Variants in GRIN2B observed in about 807,000 individuals in gnomAD.
GRIN2B encodes the protein glutamate ionotropic receptor NMDA type subunit 2B, also known as glutamate receptor ionotropic, NMDA 2B.
In GRIN2B, 5 loss-of-function variants were observed where a neutral mutation model predicts 114.5. That is an observed-to-expected ratio of 0.04 (90% CI 0.02 to 0.09). GRIN2B has a LOEUF of 0.09. Among genes scored for constraint, GRIN2B ranks in the 10% least tolerant of loss-of-function variants. GRIN2B has a pLI of 1.00. For missense variants in GRIN2B, 1,108 were observed against 1,943.5 expected, an observed-to-expected ratio of 0.57 and a Z score of 8.08; for synonymous variants, 787 against 745.1, an observed-to-expected ratio of 1.06 and a Z score of -0.92.
At chr12:13,739,412 G>GAAAAA (rs1565519594) in intron 4 of GRIN2B, among the ~76,000 whole-genome samples, 1 of 133,884 alleles carries the variant, frequency 7.5e-6, no homozygotes. Flanking sequence ...AGAAGAAAAG[G>GAAAAA]AAAAAAAAAG....
At chr12:13,607,954 G>C (rs1329555798) in intron 10 of GRIN2B, among the ~76,000 whole-genome samples, 1 of 152,098 alleles carries the variant, frequency 6.6e-6, no homozygotes, top group Admixed American at 6.5e-5. Context: ...TTTAGAATGG[G>C]TTTTGTACAT....
chr12:13,830,908 T>C (rs1865133291), intron 3 of GRIN2B, among the ~76,000 whole-genome samples: 1 of 152,224 alleles, frequency 6.6e-6, no homozygotes, highest in East Asian at 1.9e-4. Flanking sequence ...AGTTTGACCG[T>C]CCAAACCTTT....
At chr12:13,761,616 CTTTCA>C (rs1446109504) in intron 3 of GRIN2B, among the ~76,000 whole-genome samples, 1 of 152,190 alleles carries the variant, frequency 6.6e-6, no homozygotes, top group East Asian at 1.9e-4. Flanking sequence ...TAACAAGACT[CTTTCA>C]TTTCATTTTA....
At chr12:13,584,504 TTTAGCTGTTGATACA>T (rs1383508577) in intron 10 of GRIN2B, among the ~76,000 whole-genome samples, 2 of 152,220 alleles carry the variant, frequency 1.3e-5, no homozygotes, top group Non-Finnish European at 2.9e-5. Flanking sequence ...AAGTGCACTA[TTTAGCTGTTGATACA>T]TTATCATGCA....
At chr12:13,966,485 T>C (rs2136867358) in intron 2 of GRIN2B, among the ~76,000 whole-genome samples, 1 of 152,358 alleles carries the variant, frequency 6.6e-6, no homozygotes, top group South Asian at 2.1e-4. Flanking sequence ...TCCATTTGTA[T>C]CTTCTGCATT....
chr12:13,906,773 C>G (rs916305410), intron 2 of GRIN2B, among the ~76,000 whole-genome samples: 1 of 152,064 alleles, frequency 6.6e-6, no homozygotes, highest in Non-Finnish European at 1.5e-5. Context: ...ATCCAAGAAG[C>G]CAGGCCATTA....
At chr12:13,694,912 T>C (rs1329628734) in intron 4 of GRIN2B, among the ~76,000 whole-genome samples, 1 of 151,880 alleles carries the variant, frequency 6.6e-6, no homozygotes, top group Non-Finnish European at 1.5e-5. Flanking sequence ...AAGTTTTTTA[T>C]GGCCTTCATT....
In GRIN2B at chr12:13,547,741, A is replaced by G. The variant is rs1050967016; in HGVS notation, c.*15042T>C. On this transcript the variant is annotated 3_prime_UTR_variant, in exon 14 of 14. Transcript: ENST00000609686. ...TGGCTTGTTTTACTGAAGTAAAGACACTGTAAATCTCAAAAATACTCCAAC... is the reference window on the plus strand; with the variant it reads ...TGGCTTGTTTTACTGAAGTAAAGACGCTGTAAATCTCAAAAATACTCCAAC... 1 of 151,986 alleles carries G rather than the reference A, an allele frequency of 6.6e-6. No homozygotes were observed. Among genetic ancestry groups the G allele is most frequent in the African/African-American group, 2.4e-5 (1 of 41,392 alleles). The allele number at this position is 151,986 out of a possible 1,614,324, so 9.4% of individuals were successfully genotyped here. A position where few individuals can be genotyped will look rare whatever the true frequency, so the allele number is the denominator to read the frequency against.
chr12:13,855,969 C>T (rs1177565774), intron 3 of GRIN2B, among the ~76,000 whole-genome samples: 1 of 152,130 alleles, frequency 6.6e-6, no homozygotes, highest in African/African-American at 2.4e-5. Flanking sequence ...AGCCCTGGCC[C>T]ACAATGAGCC....
At chr12:13,706,830 G>A (rs900699791) in intron 4 of GRIN2B, among the ~76,000 whole-genome samples, 1 of 152,070 alleles carries the variant, frequency 6.6e-6, no homozygotes, top group African/African-American at 2.4e-5. Context: ...CTTGTTCCAA[G>A]GCATCTTCCC....
chr12:13,549,584 C>G lies in GRIN2B; in HGVS notation c.*13199G>C, dbSNP rs1430224972. 1 of 152,112 alleles carries G rather than the reference C, an allele frequency of 6.6e-6. No homozygotes were observed. The highest frequency in any genetic ancestry group is 1.5e-5 in the Non-Finnish European group (1 of 68,018). 9.4% of individuals were successfully genotyped at this position (152,112 alleles called of 1,614,324 possible). ...GACACCTTCGGAGTATCATGACACC[C>G]CTGCACACGTTCCTGAAGGCTCTTT... On this transcript the variant is annotated 3_prime_UTR_variant, in exon 14 of 14. Coordinates refer to ENST00000609686, the MANE Select transcript of GRIN2B (RefSeq NM_000834.5).
At chr12:13,851,192 G>A (rs1413828965) in intron 3 of GRIN2B, among the ~76,000 whole-genome samples, 1 of 152,150 alleles carries the variant, frequency 6.6e-6, no homozygotes, top group Non-Finnish European at 1.5e-5. Flanking sequence ...CACTCCCACT[G>A]AATATCAGAG....
intron 5 of GRIN2B, among the ~76,000 whole-genome samples, chr12:13,640,913 G>C (rs1228754959): frequency 6.6e-6 from 1 of 152,078 alleles, no homozygotes; most frequent in African/African-American, 2.4e-5. Flanking sequence ...GTAACCATTA[G>C]TTGTTACACC....
At chr12:13,639,729 T>A (rs569919492) in intron 5 of GRIN2B, among the ~76,000 whole-genome samples, 1 of 152,116 alleles carries the variant, frequency 6.6e-6, no homozygotes, top group East Asian at 1.9e-4. Flanking sequence ...ACACTTCTTT[T>A]CTTTCATTTC....
chr12:13,737,153 A>T (rs764095279), intron 4 of GRIN2B, among the ~76,000 whole-genome samples: 4 of 152,126 alleles, frequency 2.6e-5, no homozygotes, highest in Non-Finnish European at 5.9e-5. Context: ...AATAGTTATT[A>T]GTTCTTCCCT....
Position 13,547,259 on chromosome 12 carries a change from C to T in GRIN2B, c.*15524G>A, listed in dbSNP as rs989835735. 4.6e-5 allele frequency: 7 copies of T among 152,018 alleles called. No homozygotes were observed. The highest frequency in any genetic ancestry group is 3.9e-4 in the East Asian group (2 of 5,184). 9.4% of individuals were successfully genotyped at this position (152,018 alleles called of 1,614,324 possible). On this transcript the variant is annotated 3_prime_UTR_variant, in exon 14 of 14. Transcript: ENST00000609686. ...AAGGAGCTTGGAAGGTTGTTCTCAA[C>T]GATAAAACCCACTTTGCAGTGGCTA...
chr12:13,773,156 A>G (rs370436356), intron 3 of GRIN2B, among the ~76,000 whole-genome samples: 114 of 152,192 alleles, frequency 7.5e-4, no homozygotes, highest in African/African-American at 2.8e-3. Context: ...GTACTTGGCA[A>G]GTTCCTACCC....
chr12:13,942,659 G>A (rs1867281746), intron 2 of GRIN2B, among the ~76,000 whole-genome samples: 1 of 152,122 alleles, frequency 6.6e-6, no homozygotes, highest in Non-Finnish European at 1.5e-5. Context: ...AAGTTCCCAA[G>A]TAAGTTACTT....
At chr12:13,735,368 T>A (rs1863160112) in intron 4 of GRIN2B, among the ~76,000 whole-genome samples, 1 of 152,222 alleles carries the variant, frequency 6.6e-6, no homozygotes, top group Admixed American at 6.5e-5. Context: ...TCCTGGAAGA[T>A]GCTTGTTGGG....
Sources: allele counts gnomAD v4.1 joint callset (sites outside exome capture counted in the v4.1 genomes callset), GRCh38; gene constraint gnomAD v4.1.1; transcripts MANE v1.5; gene names NCBI Gene and HGNC (gene_info 2026-07-23, HGNC 2026-07-21).